PLEKHG7: variants seen among roughly 807,000 people sequenced by gnomAD.
PLEKHG7 encodes the protein pleckstrin homology and RhoGEF domain containing G7.
PLEKHG7 carries 77 observed loss-of-function variants against 85.2 expected under a neutral mutation model. That is an observed-to-expected ratio of 0.90 (90% confidence interval 0.75 to 1.09). PLEKHG7 has a LOEUF of 1.09. PLEKHG7 is among the 50% of genes least tolerant of loss of function. The probability of loss-of-function intolerance (pLI) is 0.00; values close to 1 mark genes in which losing one functional copy is unlikely to be tolerated. For synonymous variants in PLEKHG7, 301 were observed against 302.4 expected, an observed-to-expected ratio of 1.00 and a Z score of 0.05; for missense variants, 777 against 804.3, an observed-to-expected ratio of 0.97 and a Z score of 0.41.
intron 10 of PLEKHG7, among the ~76,000 whole-genome samples, chr12:92,753,800 T>C (rs1872753092): frequency 6.6e-6 from 1 of 152,052 alleles, no homozygotes; most frequent in Non-Finnish European, 1.5e-5. Context: ...AAACCAGAAC[T>C]CTCCCCTGAA....
At chr12:92,736,947 A>G (rs1872168917) in intron 6 of PLEKHG7, among the ~76,000 whole-genome samples, 2 of 152,108 alleles carry the variant, frequency 1.3e-5, no homozygotes, top group African/African-American at 2.4e-5. Context: ...TAAAGCTCTC[A>G]CTTCATGCTT....
intron 4 of PLEKHG7, among the ~76,000 whole-genome samples, chr12:92,729,763 G>A (rs1280370972): frequency 6.6e-6 from 1 of 152,142 alleles, no homozygotes; most frequent in Non-Finnish European, 1.5e-5. Flanking sequence ...TTAGTTCTTA[G>A]CAGAGTCCTT....
At chr12:92,734,480 CATT>C (rs1046540003) in intron 5 of PLEKHG7, among the ~76,000 whole-genome samples, 1 of 152,188 alleles carries the variant, frequency 6.6e-6, no homozygotes, top group Non-Finnish European at 1.5e-5. Flanking sequence ...AGGTAGGTAA[CATT>C]ATTACTTCTC....
At chr12:92,751,829 C>T (rs535862028) in intron 10 of PLEKHG7, among the ~76,000 whole-genome samples, 3 of 152,044 alleles carry the variant, frequency 2.0e-5, no homozygotes, top group Admixed American at 6.5e-5. Flanking sequence ...CTAGCCTGGG[C>T]AACATAGTGA....
chr12:92,761,491 GCCGTAATA>G (rs1237580782), intron 13 of PLEKHG7, among the ~76,000 whole-genome samples: 20 of 151,526 alleles, frequency 1.3e-4, no homozygotes, highest in Non-Finnish European at 4.4e-5. Flanking sequence ...CCCCTGGGGT[GCCGTAATA>G]CTCACCCAGT....
intron 3 of PLEKHG7, among the ~76,000 whole-genome samples, chr12:92,725,420 C>A (rs1053766584): frequency 5.3e-5 from 8 of 152,062 alleles, no homozygotes; most frequent in African/African-American, 1.9e-4. Flanking sequence ...TTAGATAACT[C>A]ACCTTTAGTG....
At chr12:92,768,147 C>G in intron 15 of PLEKHG7, among the ~76,000 whole-genome samples, 1 of 150,638 alleles carries the variant, frequency 6.6e-6, no homozygotes. Context: ...GGCAGAGGTA[C>G]AGTGAGCCGA....
Position 92,746,382 on chromosome 12 carries a change from A to G in PLEKHG7, c.1251+791A>G, listed in dbSNP as rs114032602. ...GTTCCCAATGACTCAGCTGTGAATC[A>G]GTGGGCTTCCGCCCCAGCCTTGATA... is the stretch of plus-strand genomic sequence containing the variant. On this transcript the variant is annotated intron_variant, in intron 10 of 16. Coordinates refer to ENST00000344636, the MANE Select transcript of PLEKHG7 (RefSeq NM_001377329.1). Among the ~76,000 whole-genome samples the G allele has an allele frequency of 8.4e-3, 1,279 of 152,338 alleles. 29 individuals are homozygous for G. Among genetic ancestry groups the G allele is most frequent in the African/African-American group, 0.028 (1,176 of 41,586 alleles).
intron 1 of PLEKHG7, among the ~76,000 whole-genome samples, chr12:92,705,856 T>C (rs1383087823): frequency 2.0e-5 from 3 of 152,238 alleles, no homozygotes; most frequent in East Asian, 1.9e-4. Context: ...TCTGCATGCA[T>C]AGATTGCAAA....
At chr12:92,724,085 T>C (rs1050079539) in intron 3 of PLEKHG7, among the ~76,000 whole-genome samples, 1 of 152,188 alleles carries the variant, frequency 6.6e-6, no homozygotes, top group Non-Finnish European at 1.5e-5. Flanking sequence ...GAGACCTATA[T>C]AGTTGATGGG....
chr12:92,742,508 A>G (rs1325841815), intron 9 of PLEKHG7, among the ~76,000 whole-genome samples: 2 of 152,176 alleles, frequency 1.3e-5, no homozygotes, highest in Non-Finnish European at 2.9e-5. Context: ...TTAACAAGGC[A>G]AAAATAAGCT....
chr12:92,713,853 T>C (rs1049618971), intron 3 of PLEKHG7, among the ~76,000 whole-genome samples: 7 of 152,168 alleles, frequency 4.6e-5, no homozygotes, highest in Admixed American at 2.6e-4. Flanking sequence ...AATAAACTCT[T>C]GGACCCTTTT....
intron 13 of PLEKHG7, 102 bp from the exon 14 acceptor site, chr12:92,761,632 AAGAAAGAAAGAAAGAAAG>A (rs1333074249): frequency 4.4e-6 from 1 of 225,920 alleles, no homozygotes; most frequent in Non-Finnish European, 6.1e-6. Flanking sequence ...AGAAGAAAGA[AAGAAAGAAAGAAAGAAAG>A]AAAGAAAGAA....
At chr12:92,753,602 C>T (rs1872748872) in intron 10 of PLEKHG7, among the ~76,000 whole-genome samples, 1 of 152,180 alleles carries the variant, frequency 6.6e-6, no homozygotes, top group Non-Finnish European at 1.5e-5. Flanking sequence ...ATCAACTGAG[C>T]CTCTTCAACT....
intron 15 of PLEKHG7, among the ~76,000 whole-genome samples, chr12:92,768,546 G>A (rs1873287663): frequency 6.6e-6 from 1 of 152,148 alleles, no homozygotes; most frequent in South Asian, 2.1e-4. Flanking sequence ...ACCTTGGTTG[G>A]ATGTGACTTC....
chr12:92,715,106 C>T (rs1327521601), intron 3 of PLEKHG7, among the ~76,000 whole-genome samples: 1 of 152,036 alleles, frequency 6.6e-6, no homozygotes, highest in African/African-American at 2.4e-5. Flanking sequence ...TCACGAGGTC[C>T]CACAATAGGC....
intron 3 of PLEKHG7, among the ~76,000 whole-genome samples, chr12:92,719,747 T>C (rs1292562833): frequency 6.6e-6 from 1 of 152,240 alleles, no homozygotes; most frequent in African/African-American, 2.4e-5. Context: ...ACAGAAGGAA[T>C]CTTTTAAAAA....
At chr12:92,712,566 G>A (rs1256094916) in intron 3 of PLEKHG7, among the ~76,000 whole-genome samples, 3 of 152,158 alleles carry the variant, frequency 2.0e-5, no homozygotes, top group African/African-American at 7.2e-5. Context: ...GGATGTGGTG[G>A]GAATCACCAC....
chr12:92,736,391 T>C (rs1872150920), intron 5 of PLEKHG7, 91 bp from the exon 6 acceptor site: 5 of 732,584 alleles, frequency 6.8e-6, no homozygotes, highest in Non-Finnish European at 9.4e-6. Context: ...TCATGAATGT[T>C]AGGGAATGAA....
Sources: allele counts gnomAD v4.1 joint callset (sites outside exome capture counted in the v4.1 genomes callset), GRCh38; gene constraint gnomAD v4.1.1; transcripts MANE v1.5; gene names NCBI Gene and HGNC (gene_info 2026-07-23, HGNC 2026-07-21).